Variants in CD180 observed in about 807,000 individuals in gnomAD.
The protein encoded by CD180 is CD180 antigen.
In CD180, 11 loss-of-function variants were observed where a neutral mutation model predicts 10.7. The observed-to-expected ratio is 1.03, with a 90% CI of 0.65 to 1.70. The LOEUF is 1.70. Ranked by LOEUF, CD180 falls within the 40% of genes most tolerant of loss-of-function variation. CD180 has a pLI of 0.00. For missense variants in CD180, 729 were observed against 775.2 expected, an observed-to-expected ratio of 0.94 and a Z score of 0.71; for synonymous variants, 286 against 294.6, an observed-to-expected ratio of 0.97 and a Z score of 0.30.
At chr5:67,186,067 A>C in intron 1 of CD180, 50 bp from the exon 2 acceptor site, 1 of 1,181,066 alleles carries the variant, frequency 8.5e-7, no homozygotes, top group Non-Finnish European at 1.2e-6. Flanking sequence ...AATTTTATAG[A>C]CTATCTAGCA....
Position 67,181,323 on chromosome 5 carries a change from A to C in CD180, c.*1534T>G, listed in dbSNP as rs1742044669. ...ATATTAGCACTGAAATCTCAAGATGAAGGAAGGAGCCATTTGGAGGCCAAT... is the reference window on the plus strand; with the variant it reads ...ATATTAGCACTGAAATCTCAAGATGCAGGAAGGAGCCATTTGGAGGCCAAT... On this transcript the variant is annotated 3_prime_UTR_variant, in exon 3 of 3. Coordinates refer to ENST00000256447, the MANE Select transcript of CD180 (RefSeq NM_005582.3). 7 of 152,238 alleles carry C rather than the reference A, an allele frequency of 4.6e-5. No homozygotes were observed. Among genetic ancestry groups the C allele is most frequent in the Admixed American group, 4.6e-4 (7 of 15,290 alleles). The allele number at this position is 152,238 out of a possible 1,614,324, so 9.4% of individuals were successfully genotyped here. A position where few individuals can be genotyped will look rare whatever the true frequency, so the allele number is the denominator to read the frequency against.
rs371908787 is a variant in CD180, at chr5:67,180,998, CA to C, written c.*1858del. The C allele has an allele frequency of 6.8e-4, 100 of 146,282 alleles. No individual in the cohort carries two copies. The highest frequency in any genetic ancestry group is 2.2e-3 in the African/African-American group (86 of 39,594). 9.1% of individuals were successfully genotyped at this position (146,282 alleles called of 1,614,324 possible). ...TGGGCGACAGAGCAAGAATCAGTCT[CA>C]AAAAAAAAATTATATATATATATAC... On this transcript the variant is annotated 3_prime_UTR_variant, in exon 3 of 3. Coordinates refer to ENST00000256447, the MANE Select transcript of CD180 (RefSeq NM_005582.3).
intron 2 of CD180, among the ~76,000 whole-genome samples, chr5:67,185,171 C>T (rs1742161277): frequency 6.7e-6 from 1 of 149,718 alleles, no homozygotes; most frequent in Non-Finnish European, 1.5e-5. Context: ...AAAGATGAAG[C>T]GGTAGTATGG....
rs540596566 is a variant in CD180 at position 67,181,022 on chromosome 5, TACACAC to T, written c.*1829_*1834del. 6.7e-6 allele frequency: 1 copy of T among 149,264 alleles called. No individual in the cohort carries two copies. Among genetic ancestry groups the T allele is most frequent in the Non-Finnish European group, 1.5e-5 (1 of 67,616 alleles). 9.2% of individuals were successfully genotyped at this position (149,264 alleles called of 1,614,324 possible). On this transcript the variant is annotated 3_prime_UTR_variant, in exon 3 of 3. Transcript: ENST00000256447. Reference sequence around the variant, plus strand: ...TCAAAAAAAAAATTATATATATATATACACACACACATACACACACATACACACACA... The same window carrying T: ...TCAAAAAAAAAATTATATATATATATACACATACACACACATACACACACA...
intron 1 of CD180, among the ~76,000 whole-genome samples, chr5:67,191,485 C>T (rs1277577808): frequency 6.6e-6 from 1 of 152,148 alleles, no homozygotes; most frequent in Non-Finnish European, 1.5e-5. Flanking sequence ...GTCCCCATCC[C>T]ACACCTAGGG....
chr5:67,190,950 A>G (rs1742293142), intron 1 of CD180: 3 of 985,196 alleles, frequency 3.0e-6, no homozygotes, highest in African/African-American at 1.7e-5. Context: ...CGGATTTCTC[A>G]TCTGCGCTTG....
In CD180 at chr5:67,184,035, C is replaced by T. The variant is rs751266743; in HGVS notation, c.808G>A (p.Gly270Arg). The T allele has an allele frequency of 6.2e-7, 1 of 1,613,972 alleles. No individual in the cohort carries two copies. Among genetic ancestry groups the T allele is most frequent in the Admixed American group, 1.7e-5 (1 of 59,988 alleles). ...DEDISSAMLK[G>R]LCEMSVESLN... ...CTCTCAACAGACATTTCACAGAGTC[C>T]CTTGAGCATGGCTGAACTAATATCT... Residue 270 changes from glycine to arginine, a missense_variant, in exon 3 of 3, where the codon GGA becomes AGA. By Grantham distance (125) the Gly-to-Arg change is moderately radical. Coordinates refer to ENST00000256447, the MANE Select transcript of CD180 (RefSeq NM_005582.3).
Position 67,196,585 on chromosome 5 carries a change from T to G in CD180, c.57A>C (p.Lys19Asn), listed in dbSNP as rs1266648735. The G allele has an allele frequency of 2.5e-6, 4 of 1,613,792 alleles. No homozygotes were observed. The South Asian group carries it at 4.4e-5, about 18-fold the overall frequency. Residue 19 changes from lysine to asparagine, a missense_variant, in exon 1 of 3, where the codon AAA becomes AAC. Physicochemically the swap from Lys to Asn is moderately conservative, Grantham distance 94. Coordinates refer to ENST00000256447, the MANE Select transcript of CD180 (RefSeq NM_005582.3). Reference sequence around the variant, plus strand: ...ACATCTGATCCCAGGAGGTGATGACTTTACAGCCGGCAGAAAACAGCACCA... The same window carrying G: ...ACATCTGATCCCAGGAGGTGATGACGTTACAGCCGGCAGAAAACAGCACCA... ...FWVVLFSAGC[K>N]VITSWDQMCI... is the part of the protein sequence containing the mutation.
rs1194421937 is a variant in CD180, at chr5:67,186,010, G to T, written c.98C>A (p.Ala33Asp). The T allele has an allele frequency of 6.4e-7, 1 of 1,571,290 alleles. No homozygotes were observed. The highest frequency in any genetic ancestry group is 1.2e-5 in the South Asian group (1 of 82,234). ...SWDQMCIEKE[A>D]NKTYNCENLG... Reference sequence around the variant, plus strand: ...ATTTTCACAGTTATATGTTTTGTTGGCTTCTTTCTGATGGGAGAAACAAAG... The same window carrying T: ...ATTTTCACAGTTATATGTTTTGTTGTCTTCTTTCTGATGGGAGAAACAAAG... The change falls in exon 2 of 3, where the codon GCC becomes GAC. Residue 33 changes from alanine (A) to aspartate (D), a missense_variant. Physicochemically the swap from Ala to Asp is moderately radical, Grantham distance 126. Transcript: ENST00000256447.
chr5:67,183,621 GC>G lies in CD180; in HGVS notation c.1221del (p.Glu407AspfsTer16). On this transcript the variant is annotated frameshift_variant, in exon 3 of 3. Transcript: ENST00000256447. LOFTEE classifies it low-confidence loss of function (END_TRUNC). ...HLQTLNLSHN[E>X]PLGLQSQAFK... ...AATGCCTGACTCTGGAGACCAAGAG[GC>G]TCATTGTGGCTCAGGTTTAAGGTTT... The G allele has an allele frequency of 1.2e-6, 2 of 1,614,192 alleles. No homozygotes were observed. Among genetic ancestry groups the G allele is most frequent in the Non-Finnish European group, 1.7e-6 (2 of 1,180,040 alleles).
chr5:67,186,069 T>A (rs751412960), intron 1 of CD180, 52 bp from the exon 2 acceptor site: 1 of 1,174,804 alleles, frequency 8.5e-7, no homozygotes, highest in Admixed American at 2.6e-5. Context: ...TTTTATAGAC[T>A]ATCTAGCAAA....
chr5:67,181,858 T>C lies in CD180; in HGVS notation c.*999A>G, dbSNP rs1158143882. 2 of 152,240 alleles carry C rather than the reference T, an allele frequency of 1.3e-5. No homozygotes were observed. Among genetic ancestry groups the C allele is most frequent in the Non-Finnish European group, 2.9e-5 (2 of 68,050 alleles). The allele number at this position is 152,240 out of a possible 1,614,324, so 9.4% of individuals were successfully genotyped here. On this transcript the variant is annotated 3_prime_UTR_variant, in exon 3 of 3. Coordinates refer to ENST00000256447, the MANE Select transcript of CD180 (RefSeq NM_005582.3). ...GAAACCACTTCTCACTAAGCCAGCT[T>C]TACTGTGTTCCCAACAGCTAGCATG... is the stretch of plus-strand genomic sequence containing the variant.
At chr5:67,193,229 A>G (rs1199489320) in intron 1 of CD180, among the ~76,000 whole-genome samples, 2 of 152,256 alleles carry the variant, frequency 1.3e-5, no homozygotes, top group Non-Finnish European at 2.9e-5. Flanking sequence ...TCACATGAAC[A>G]TGCAGACATT....
Position 67,185,921 on chromosome 5 carries a change from T to C in CD180, c.187A>G (p.Asn63Asp), listed in dbSNP as rs1230904407. ...NTTEFLEFSF[N>D]FLPTIHNRTF... ...CTATTGTGAATTGTAGGCAAAAAAT[T>C]AAAGCTGAATTCCAAAAATTCTGTT... Residue 63 changes from asparagine (N) to aspartate (D), a missense_variant, in exon 2 of 3, where the codon AAT (asparagine) becomes GAT (aspartate). Coordinates refer to ENST00000256447, the MANE Select transcript of CD180 (RefSeq NM_005582.3). 5 of 1,611,858 alleles carry C rather than the reference T, an allele frequency of 3.1e-6. No homozygotes were observed. The highest frequency in any genetic ancestry group is 3.4e-6 in the Non-Finnish European group (4 of 1,178,804).
At chr5:67,192,011 C>T (rs5744486) in intron 1 of CD180, among the ~76,000 whole-genome samples, 4 of 152,006 alleles carry the variant, frequency 2.6e-5, no homozygotes, top group African/African-American at 4.8e-5. Context: ...GATAATATCA[C>T]GGTCTTGAGG....
rs1193077279 is a variant in CD180, at chr5:67,180,910, A to G, written c.*1947T>C. The G allele has an allele frequency of 6.6e-6, 1 of 152,052 alleles. No individual in the cohort carries two copies. Among genetic ancestry groups the G allele is most frequent in the African/African-American group, 2.4e-5 (1 of 41,344 alleles). 9.4% of individuals were successfully genotyped at this position (152,052 alleles called of 1,614,324 possible). On this transcript the variant is annotated 3_prime_UTR_variant, in exon 3 of 3. Transcript: ENST00000256447. ...GCTACTCAGGAGGCTGAGGCAGGAG[A>G]ATCGCTGGAACCTGGGAGGCGGAGG...
chr5:67,191,378 C>T (rs867913948), intron 1 of CD180, among the ~76,000 whole-genome samples: 1 of 152,182 alleles, frequency 6.6e-6, no homozygotes, highest in Non-Finnish European at 1.5e-5. Context: ...TAGCGTTTAA[C>T]TGGATCATCA....
chr5:67,184,717 C>T, intron 2 of CD180, 132 bp from the exon 3 acceptor site: 1 of 733,570 alleles, frequency 1.4e-6, no homozygotes, highest in East Asian at 2.7e-5. Context: ...TCAATATCAA[C>T]AGATGGCCTA....
Position 67,183,115 on chromosome 5 carries a change from A to T in CD180, c.1728T>A (p.His576Gln). 1 of 1,610,414 alleles carries T rather than the reference A, an allele frequency of 6.2e-7. No homozygotes were observed. Among genetic ancestry groups the T allele is most frequent in the Non-Finnish European group, 8.5e-7 (1 of 1,177,506 alleles). The change falls in exon 3 of 3, where the codon CAT (histidine) becomes CAA (glutamine). Residue 576 changes from histidine (H) to glutamine (Q), a missense_variant. His to Gln is a conservative substitution (Grantham distance 24). Transcript: ENST00000256447. ...TCGAGCAAGTGCAGTCCAGGGGGTT[A>T]TGACTTAAATTAATGGTGCTCTGCT... is the stretch of plus-strand genomic sequence containing the variant. ...LSQQSTINLS[H>Q]NPLDCTCSNI...
Sources: gnomAD v4.1 joint callset for allele counts (sites outside exome capture counted in the v4.1 genomes callset) on GRCh38, gnomAD v4.1.1 for gene constraint, MANE v1.5 for transcripts, NCBI Gene and HGNC (gene_info 2026-07-23, HGNC 2026-07-21) for gene names.